CPNE4: variants seen among roughly 807,000 people sequenced by gnomAD.
CPNE4 encodes copine 4.
CPNE4 carries 25 observed loss-of-function variants against 67.9 expected under a neutral mutation model. The ratio of observed to expected loss-of-function variants is 0.37; its 90% CI spans 0.27 to 0.51. The LOEUF (loss-of-function observed/expected upper bound fraction) is 0.51, where lower values mean the gene tolerates loss of function less well. Ranked by LOEUF, CPNE4 falls within the 20% of genes least tolerant of loss-of-function variation. CPNE4 has a pLI of 0.93. For synonymous variants in CPNE4, 242 were observed against 244.9 expected, an observed-to-expected ratio of 0.99 and a Z score of 0.11; for missense variants, 464 against 690.8, an observed-to-expected ratio of 0.67 and a Z score of 3.68.
intron 1 of CPNE4, among the ~76,000 whole-genome samples, chr3:131,992,029 G>C (rs2073185446): frequency 7.3e-6 from 1 of 136,864 alleles, no homozygotes; most frequent in African/African-American, 2.5e-5. Context: ...TATCTAGGCA[G>C]AAGTTTCCTG....
intron 1 of CPNE4, among the ~76,000 whole-genome samples, chr3:131,914,030 T>C (rs1351900679): frequency 1.3e-5 from 2 of 152,200 alleles, no homozygotes; most frequent in Non-Finnish European, 2.9e-5. Context: ...TTAATTCTTA[T>C]ATATCTTCCC....
chr3:131,877,752 A>G (rs1359853406), intron 2 of CPNE4, among the ~76,000 whole-genome samples: 1 of 152,230 alleles, frequency 6.6e-6, no homozygotes, highest in Non-Finnish European at 1.5e-5. Flanking sequence ...ACAGGTTAAA[A>G]GGACAATGAC....
At chr3:131,864,479 G>A (rs1213471107) in intron 2 of CPNE4, among the ~76,000 whole-genome samples, 2 of 152,052 alleles carry the variant, frequency 1.3e-5, no homozygotes, top group African/African-American at 4.8e-5. Context: ...TTGTGAATGG[G>A]AGTTCACTCA....
At chr3:131,929,621 C>T in intron 1 of CPNE4, among the ~76,000 whole-genome samples, 1 of 151,938 alleles carries the variant, frequency 6.6e-6, no homozygotes, top group East Asian at 1.9e-4. Context: ...AGGATCTGCC[C>T]CTTCAGCAAA....
intron 7 of CPNE4, among the ~76,000 whole-genome samples, chr3:131,603,225 T>A (rs1208481366): frequency 6.6e-6 from 1 of 152,144 alleles, no homozygotes; most frequent in Non-Finnish European, 1.5e-5. Context: ...ATATGTGCAG[T>A]ATATAGAAGA....
chr3:131,985,966 T>C (rs545278818), intron 1 of CPNE4: 23 of 154,148 alleles, frequency 1.5e-4, no homozygotes, highest in African/African-American at 4.6e-4. Context: ...TTCTAAGGGT[T>C]TTCAACCAAG....
At chr3:132,007,375 T>C (rs1342184224) in intron 1 of CPNE4, among the ~76,000 whole-genome samples, 1 of 152,162 alleles carries the variant, frequency 6.6e-6, no homozygotes, top group Non-Finnish European at 1.5e-5. Flanking sequence ...GTCAGACATG[T>C]CTGCATGCCA....
intron 2 of CPNE4, among the ~76,000 whole-genome samples, chr3:131,834,118 T>C (rs761873790): frequency 2.0e-5 from 3 of 152,240 alleles, no homozygotes; most frequent in Non-Finnish European, 4.4e-5. Flanking sequence ...TAAATATTTA[T>C]ATGTTTCTCA....
chr3:132,013,575 A>C (rs113605028), intron 1 of CPNE4, among the ~76,000 whole-genome samples: 2,827 of 152,340 alleles, frequency 0.019, 35 homozygotes, highest in Non-Finnish European at 0.03. Context: ...CCCAGATTAG[A>C]CCATAATTCC....
intron 13 of CPNE4, among the ~76,000 whole-genome samples, chr3:131,551,599 G>T (rs1936177248): frequency 6.6e-6 from 1 of 151,972 alleles, no homozygotes; most frequent in Non-Finnish European, 1.5e-5. Context: ...GGTCTTGGAG[G>T]TTACTGTGTT....
Position 131,685,096 on chromosome 3 carries a change from T to A in CPNE4, c.591+779A>T, listed in dbSNP as rs116114306. Among the ~76,000 whole-genome samples the A allele has an allele frequency of 4.1e-3, 622 of 152,318 alleles. 4 individuals carry two copies. Among genetic ancestry groups the A allele is most frequent in the African/African-American group, 0.014 (582 of 41,570 alleles). On this transcript the variant is annotated intron_variant, in intron 6 of 15. Transcript: ENST00000429747. Reference sequence around the variant, plus strand: ...GAGTCAAACAACCTCAATTGAAACCTGAGTTCCATCCTTTGTTAGCTGTGA... The same window carrying A: ...GAGTCAAACAACCTCAATTGAAACCAGAGTTCCATCCTTTGTTAGCTGTGA...
At chr3:132,025,278 G>A (rs1018619400) in intron 1 of CPNE4, among the ~76,000 whole-genome samples, 13 of 152,300 alleles carry the variant, frequency 8.5e-5, no homozygotes, top group Middle Eastern at 3.4e-3. Context: ...TTCTGCTGCT[G>A]GTCTTGTAGG....
At chr3:131,978,068 AATATATATAAATATATATAAAT>A (rs1560719830) in intron 1 of CPNE4, among the ~76,000 whole-genome samples, 4 of 35,774 alleles carry the variant, frequency 1.1e-4, no homozygotes, top group East Asian at 1.1e-3. Flanking sequence ...AATATATATA[AATATATATAAATATATATAAAT>A]ATATATATAA....
At chr3:131,771,461 T>C (rs1207433814) in intron 2 of CPNE4, among the ~76,000 whole-genome samples, 1 of 152,158 alleles carries the variant, frequency 6.6e-6, no homozygotes, top group Admixed American at 6.5e-5. Flanking sequence ...GGGTGAGTAA[T>C]AGAGTTGCTA....
chr3:131,657,598 G>A (rs2080007629), intron 7 of CPNE4, among the ~76,000 whole-genome samples: 1 of 144,458 alleles, frequency 6.9e-6, no homozygotes, highest in Non-Finnish European at 1.5e-5. Flanking sequence ...GCAGTGGTGT[G>A]ATCTCGACTC....
At chr3:131,857,274 C>T (rs534237104) in intron 2 of CPNE4, among the ~76,000 whole-genome samples, 45 of 152,144 alleles carry the variant, frequency 3.0e-4, no homozygotes, top group South Asian at 1.9e-3. Flanking sequence ...AGCATCAAAA[C>T]TGATTGTGGG....
At chr3:131,998,292 G>T (rs1051548390) in intron 1 of CPNE4, among the ~76,000 whole-genome samples, 1 of 152,052 alleles carries the variant, frequency 6.6e-6, no homozygotes, top group South Asian at 2.1e-4. Context: ...CTGATCCCAC[G>T]TGTGTACTAA....
rs531072346 is a variant in CPNE4, at chr3:131,905,924, A to G, written c.-1-480T>C. 4.6e-5 allele frequency among the ~76,000 whole-genome samples: 7 copies of G among 152,168 alleles called. No homozygotes were observed. In the South Asian group the frequency reaches 1.5e-3, roughly 32 times the overall value. ...TTCTGAAGAAACAGCCATATTTCCC[A>G]CCCCTAAAACTTTGCCCTCTTCTCA... is the stretch of plus-strand genomic sequence containing the variant. On this transcript the variant is annotated intron_variant, in intron 1 of 15. Coordinates refer to ENST00000429747, the MANE Select transcript of CPNE4 (RefSeq NM_130808.3).
rs2073185008 is a variant in CPNE4 at position 131,992,001 on chromosome 3, G to A, written c.-2+42566C>T. On this transcript the variant is annotated intron_variant, in intron 1 of 15. Transcript: ENST00000429747. ...AAACCTCTGCCTAGATTTCAAAGGA[G>A]GTATGGAAATGCCTGGATATCTAGG... is the stretch of plus-strand genomic sequence containing the variant. Among the ~76,000 whole-genome samples the A allele has an allele frequency of 1.5e-5, 2 of 136,684 alleles. 1 individual carries two copies. Among genetic ancestry groups the A allele is most frequent in the Non-Finnish European group, 3.3e-5 (2 of 60,092 alleles). The allele number at this position is 136,684 out of a possible 152,430, so 89.7% of individuals were successfully genotyped here.
Sources: gnomAD v4.1 joint callset for allele counts (sites outside exome capture counted in the v4.1 genomes callset) on GRCh38, gnomAD v4.1.1 for gene constraint, MANE v1.5 for transcripts, NCBI Gene and HGNC (gene_info 2026-07-23, HGNC 2026-07-21) for gene names.